The following RBFOX1 variants were observed in gnomAD, a reference collection of about 807,000 sequenced individuals.
The protein encoded by RBFOX1 is RNA binding protein fox-1 homolog 1.
In RBFOX1, 8 loss-of-function variants were observed where a neutral mutation model predicts 57.7. The ratio of observed to expected loss-of-function variants is 0.14; its 90% CI spans 0.08 to 0.25. The LOEUF is 0.25. Ranked by LOEUF, RBFOX1 falls within the 10% of genes least tolerant of loss-of-function variation. RBFOX1 has a pLI of 1.00. For missense variants in RBFOX1, 611 were observed against 548.5 expected (o/e 1.11, Z -1.14); for synonymous variants, 326 against 222.4 (o/e 1.47, Z -4.15).
At chr16:6,301,846 G>T (rs183537950) in intron 1 of RBFOX1, among the ~76,000 whole-genome samples, 111 of 152,180 alleles carry the variant, frequency 7.3e-4, no homozygotes, top group African/African-American at 2.5e-3. Flanking sequence ...CAAGCATTTC[G>T]TGAAGCATCA....
chr16:6,268,629 C>T (rs1010263063), intron 1 of RBFOX1, among the ~76,000 whole-genome samples: 7 of 152,154 alleles, frequency 4.6e-5, no homozygotes, highest in Admixed American at 2.6e-4. Flanking sequence ...TCAAAATATG[C>T]ATCGAACAGT....
intron 4 of RBFOX1, among the ~76,000 whole-genome samples, chr16:5,975,761 C>T (rs2060049516): frequency 6.6e-6 from 1 of 152,180 alleles, no homozygotes; most frequent in African/African-American, 2.4e-5. Flanking sequence ...GCTGGTTGTG[C>T]TGCTTTGGGT....
chr16:6,637,982 C>T (rs201010016), intron 2 of RBFOX1, among the ~76,000 whole-genome samples: 1 of 152,100 alleles, frequency 6.6e-6, no homozygotes, highest in African/African-American at 2.4e-5. Context: ...CAACACCCAA[C>T]ATTTAGTTTT....
chr16:7,108,769 T>G (rs2064085683), intron 4 of RBFOX1, among the ~76,000 whole-genome samples: 1 of 152,172 alleles, frequency 6.6e-6, no homozygotes, highest in Admixed American at 6.5e-5. Context: ...ACCCCTGTGC[T>G]CAAAGATGCA....
At chr16:6,076,341 C>T (rs920460368) in intron 1 of RBFOX1, among the ~76,000 whole-genome samples, 2 of 150,516 alleles carry the variant, frequency 1.3e-5, no homozygotes, top group African/African-American at 5.0e-5. Flanking sequence ...CGCGCACACA[C>T]ACACATACAC....
intron 4 of RBFOX1, among the ~76,000 whole-genome samples, chr16:7,436,006 T>C (rs1224870064): frequency 2.0e-5 from 3 of 152,164 alleles, no homozygotes; most frequent in East Asian, 3.9e-4. Context: ...GCTGTGATCT[T>C]CAGTTAATTT....
intron 3 of RBFOX1, among the ~76,000 whole-genome samples, chr16:6,699,247 T>C (rs1404616168): frequency 2.0e-5 from 3 of 152,130 alleles, no homozygotes; most frequent in Admixed American, 6.6e-5. Context: ...TTGAACTCTC[T>C]TCACGTTCAC....
chr16:7,009,819 C>A (rs58391659), intron 3 of RBFOX1, among the ~76,000 whole-genome samples: 2 of 152,090 alleles, frequency 1.3e-5, no homozygotes, highest in African/African-American at 2.4e-5. Flanking sequence ...CTAGAGCTAA[C>A]GTGAAAAGTT....
intron 4 of RBFOX1, among the ~76,000 whole-genome samples, chr16:7,140,762 G>T (rs1196189578): frequency 1.3e-5 from 2 of 152,140 alleles, no homozygotes; most frequent in African/African-American, 4.8e-5. Context: ...AATATTTATG[G>T]GGAAGGTAGC....
chr16:6,949,599 G>A (rs1264865246), intron 3 of RBFOX1, among the ~76,000 whole-genome samples: 1 of 151,876 alleles, frequency 6.6e-6, no homozygotes, highest in Non-Finnish European at 1.5e-5. Flanking sequence ...GTGCCTACGT[G>A]CATCTTGGAT....
chr16:6,032,358 C>T (rs148657064), intron 1 of RBFOX1, among the ~76,000 whole-genome samples: 6 of 135,322 alleles, frequency 4.4e-5, no homozygotes, highest in African/African-American at 1.7e-4. Context: ...TAATTTGCCT[C>T]TAACCCAACT....
At chr16:5,263,765 C>G (rs926144351) in intron 1 of RBFOX1, among the ~76,000 whole-genome samples, 7 of 152,060 alleles carry the variant, frequency 4.6e-5, no homozygotes, top group African/African-American at 1.7e-4. Flanking sequence ...TCTGAAACCC[C>G]TAGGGATGGG....
chr16:7,349,625 A>G (rs537083645), intron 4 of RBFOX1, among the ~76,000 whole-genome samples: 22 of 152,104 alleles, frequency 1.4e-4, no homozygotes, highest in South Asian at 1.2e-3. Context: ...GCGACATACC[A>G]CATCCGCTTG....
intron 4 of RBFOX1, among the ~76,000 whole-genome samples, chr16:7,228,700 A>T (rs1186454482): frequency 6.6e-6 from 1 of 152,218 alleles, no homozygotes; most frequent in Non-Finnish European, 1.5e-5. Context: ...TCAAAGCTCA[A>T]TTCAGGACGA....
chr16:7,420,140 G>C (rs2098526322), intron 4 of RBFOX1, among the ~76,000 whole-genome samples: 2 of 152,018 alleles, frequency 1.3e-5, no homozygotes, highest in South Asian at 4.2e-4. Flanking sequence ...GGTAACGTTT[G>C]CTTTGGATAT....
At chr16:6,701,973 T>C (rs1008707775) in intron 3 of RBFOX1, among the ~76,000 whole-genome samples, 2 of 151,946 alleles carry the variant, frequency 1.3e-5, no homozygotes, top group Non-Finnish European at 2.9e-5. Context: ...AGGGTGAGGC[T>C]CAAAAACTAC....
intron 3 of RBFOX1, among the ~76,000 whole-genome samples, chr16:6,760,162 A>T (rs2076402596): frequency 6.6e-6 from 1 of 152,196 alleles, no homozygotes; most frequent in African/African-American, 2.4e-5. Context: ...GTACACAAAG[A>T]TAAGCATCGC....
At chr16:5,647,532 C>G (rs575019928) in intron 3 of RBFOX1, among the ~76,000 whole-genome samples, 12 of 152,052 alleles carry the variant, frequency 7.9e-5, no homozygotes, top group African/African-American at 2.9e-4. Context: ...ACAGTAGGCA[C>G]TGAGCAAATG....
At chr16:5,688,986 C>T (rs2050589046) in intron 3 of RBFOX1, among the ~76,000 whole-genome samples, 1 of 152,164 alleles carries the variant, frequency 6.6e-6, no homozygotes, top group African/African-American at 2.4e-5. Flanking sequence ...AAATGTGAAC[C>T]CATCTCTTCT....
Sources: allele counts gnomAD v4.1 joint callset (sites outside exome capture counted in the v4.1 genomes callset), GRCh38; gene constraint gnomAD v4.1.1; transcripts MANE v1.5; gene names NCBI Gene and HGNC (gene_info 2026-07-23, HGNC 2026-07-21).